Variants in C1orf21 observed in about 807,000 individuals in gnomAD.
C1orf21 encodes the protein chromosome 1 open reading frame 21, also known as uncharacterized protein C1orf21.
A neutral mutation model predicts 18.7 loss-of-function variants in C1orf21; 3 were observed. The observed-to-expected ratio is 0.16, with a 90% CI of 0.07 to 0.42. The LOEUF is 0.42. Among genes scored for constraint, C1orf21 ranks in the 10% least tolerant of loss-of-function variants. The probability of loss-of-function intolerance (pLI) is 0.99; values close to 1 mark genes in which losing one functional copy is unlikely to be tolerated. For missense variants in C1orf21, 104 were observed against 143.6 expected, an observed-to-expected ratio of 0.72 and a Z score of 1.41; for synonymous variants, 41 against 46.4, an observed-to-expected ratio of 0.88 and a Z score of 0.47.
At chr1:184,466,630 T>A (rs1657402193) in intron 1 of C1orf21, among the ~76,000 whole-genome samples, 1 of 152,242 alleles carries the variant, frequency 6.6e-6, no homozygotes, top group Non-Finnish European at 1.5e-5. Context: ...ATAATTTCAA[T>A]TTGTTTTGCC....
intron 3 of C1orf21, among the ~76,000 whole-genome samples, chr1:184,523,924 T>G (rs547152917): frequency 6.6e-6 from 1 of 152,306 alleles, no homozygotes; most frequent in Non-Finnish European, 1.5e-5. Context: ...TTTTTTGATA[T>G]GTACTCCAAA....
chr1:184,404,826 C>T (rs911980406), intron 1 of C1orf21, among the ~76,000 whole-genome samples: 2 of 152,154 alleles, frequency 1.3e-5, no homozygotes, highest in African/African-American at 4.8e-5. Flanking sequence ...TCTACCCCCT[C>T]GTGATGCGTC....
intron 3 of C1orf21, among the ~76,000 whole-genome samples, chr1:184,589,538 C>T (rs114811163): frequency 0.011 from 1,630 of 152,268 alleles, 34 homozygotes; most frequent in African/African-American, 0.037. Context: ...CCCTGACATA[C>T]GTCAACAGAC....
intron 3 of C1orf21, among the ~76,000 whole-genome samples, chr1:184,545,264 A>G (rs1225651047): frequency 6.6e-6 from 1 of 152,188 alleles, no homozygotes. Flanking sequence ...CATACTGTGG[A>G]ATGTGTCGCA....
At chr1:184,540,088 T>TGGTA (rs955620068) in intron 3 of C1orf21, 48 of 152,274 alleles carry the variant, frequency 3.2e-4, no homozygotes, top group African/African-American at 1.1e-3. Flanking sequence ...GGATAATGAG[T>TGGTA]GGTAACATGT....
At chr1:184,419,647 G>GA (rs35189937) in intron 1 of C1orf21, among the ~76,000 whole-genome samples, 9,210 of 145,592 alleles carry the variant, frequency 0.063, 358 homozygotes, top group Non-Finnish European at 0.083. Context: ...GGGAAAAACA[G>GA]AAAAAAAAAA....
At chr1:184,609,860 A>C (rs1490045967) in intron 5 of C1orf21, among the ~76,000 whole-genome samples, 1 of 152,278 alleles carries the variant, frequency 6.6e-6, no homozygotes, top group Admixed American at 6.5e-5. Flanking sequence ...GATTGAAATG[A>C]AATTTGAAGA....
At position 184,627,833 on chromosome 1, in the gene C1orf21, G is replaced by A. The variant is rs186023865; in HGVS notation, c.*8277G>A. 13 of 152,258 alleles carry A rather than the reference G, an allele frequency of 8.5e-5. No individual in the cohort carries two copies. The highest frequency in any genetic ancestry group is 4.6e-4 in the Admixed American group (7 of 15,304). 9.4% of individuals were successfully genotyped at this position (152,258 alleles called of 1,614,324 possible). ...CATGTGTTCATGGAATATAAGCCAAGTTTGCCTTAGGCTTGTTCATGGAAT... is the reference window on the plus strand; with the variant it reads ...CATGTGTTCATGGAATATAAGCCAAATTTGCCTTAGGCTTGTTCATGGAAT... On this transcript the variant is annotated 3_prime_UTR_variant, in exon 6 of 6. Transcript: ENST00000235307.
intron 2 of C1orf21, among the ~76,000 whole-genome samples, chr1:184,495,531 C>G (rs1479668412): frequency 6.6e-6 from 1 of 152,128 alleles, no homozygotes; most frequent in African/African-American, 2.4e-5. Flanking sequence ...AAATTAACGT[C>G]AATATACTTA....
chr1:184,430,138 T>C (rs961322985), intron 1 of C1orf21, among the ~76,000 whole-genome samples: 1 of 150,830 alleles, frequency 6.6e-6, no homozygotes, highest in African/African-American at 2.4e-5. Flanking sequence ...AAAAAATCCA[T>C]TGTTTATCTG....
intron 5 of C1orf21, among the ~76,000 whole-genome samples, chr1:184,616,990 C>T (rs994581007): frequency 6.6e-6 from 1 of 152,188 alleles, no homozygotes; most frequent in Non-Finnish European, 1.5e-5. Context: ...GGTCATAGTC[C>T]TTACTCACCT....
chr1:184,609,287 G>A (rs1440859879), intron 5 of C1orf21, among the ~76,000 whole-genome samples: 1 of 151,798 alleles, frequency 6.6e-6, no homozygotes, highest in African/African-American at 2.4e-5. Flanking sequence ...CTCTAATCCA[G>A]CAAGAAAACT....
At chr1:184,407,854 T>C (rs1656275082) in intron 1 of C1orf21, among the ~76,000 whole-genome samples, 2 of 152,186 alleles carry the variant, frequency 1.3e-5, no homozygotes, top group Non-Finnish European at 2.9e-5. Context: ...AAATAAAAAG[T>C]TATATATCTT....
chr1:184,401,917 G>A (rs1345394039), intron 1 of C1orf21, among the ~76,000 whole-genome samples: 1 of 151,902 alleles, frequency 6.6e-6, no homozygotes, highest in Non-Finnish European at 1.5e-5. Flanking sequence ...TTCATGCTAA[G>A]TTTTTAAGAA....
chr1:184,433,014 C>A (rs1656791714), intron 1 of C1orf21, among the ~76,000 whole-genome samples: 1 of 152,212 alleles, frequency 6.6e-6, no homozygotes, highest in East Asian at 1.9e-4. Context: ...GAGGTACATG[C>A]TACAGTCCCC....
intron 1 of C1orf21, among the ~76,000 whole-genome samples, chr1:184,416,292 G>A (rs980681880): frequency 1.3e-5 from 2 of 152,002 alleles, no homozygotes; most frequent in Non-Finnish European, 2.9e-5. Context: ...TTAAGATTTT[G>A]TTTCCATTGC....
Position 184,619,672 on chromosome 1 carries a change from C to G in C1orf21, c.*116C>G, listed in dbSNP as rs145367537. Reference sequence around the variant, plus strand: ...GAACAGCACTATAGCAAAAGAAGATCGTTCCATATTGTACGCCCCATTAAA... The same window carrying G: ...GAACAGCACTATAGCAAAAGAAGATGGTTCCATATTGTACGCCCCATTAAA... On this transcript the variant is annotated 3_prime_UTR_variant, in exon 6 of 6. Transcript: ENST00000235307. 7 of 891,410 alleles carry G rather than the reference C, an allele frequency of 7.9e-6. No individual in the cohort carries two copies. In the East Asian group the frequency reaches 1.9e-4, roughly 24 times the overall value. 55.2% of individuals were successfully genotyped at this position (891,410 alleles called of 1,614,324 possible). A position where few individuals can be genotyped will look rare whatever the true frequency, so the allele number is the denominator to read the frequency against.
chr1:184,476,645 G>A (rs1001475117), intron 1 of C1orf21, among the ~76,000 whole-genome samples: 1 of 152,098 alleles, frequency 6.6e-6, no homozygotes, highest in Non-Finnish European at 1.5e-5. Flanking sequence ...ATGAGAAATC[G>A]GTAGAAGCAT....
At chr1:184,545,436 T>C (rs12074632) in intron 3 of C1orf21, among the ~76,000 whole-genome samples, 4,198 of 152,294 alleles carry the variant, frequency 0.028, 183 homozygotes, top group African/African-American at 0.094. Flanking sequence ...TATTTTTTTT[T>C]CTAGAATGAA....
Sources: gnomAD v4.1 joint callset for allele counts (sites outside exome capture counted in the v4.1 genomes callset) on GRCh38, gnomAD v4.1.1 for gene constraint, MANE v1.5 for transcripts, NCBI Gene and HGNC (gene_info 2026-07-23, HGNC 2026-07-21) for gene names.